Variants in LTA4H observed in about 807,000 individuals in gnomAD.
LTA4H encodes leukotriene A-4 hydrolase.
Under a neutral mutation model 89.8 loss-of-function variants are expected in LTA4H, and 59 were observed. That is an observed-to-expected ratio of 0.66 (90% confidence interval 0.53 to 0.82). The LOEUF (loss-of-function observed/expected upper bound fraction) is 0.82. LTA4H is among the 40% of genes least tolerant of loss of function. The pLI is 0.00. For missense variants in LTA4H, 617 were observed against 727.0 expected, an observed-to-expected ratio of 0.85 and a Z score of 1.74; for synonymous variants, 227 against 253.1, an observed-to-expected ratio of 0.90 and a Z score of 0.98.
upstream of LTA4H, among the ~76,000 whole-genome samples, chr12:96,037,692 C>CCT (rs1566021042): frequency 3.2e-4 from 37 of 114,176 alleles, 3 homozygotes; most frequent in Non-Finnish European, 3.2e-4. Context: ...ATTGAGAAAG[C>CCT]TTTTTTTTTT....
chr12:96,027,763 T>C, intron 2 of LTA4H, 199 bp from the exon 3 acceptor site: 1 of 342,028 alleles, frequency 2.9e-6, no homozygotes, highest in Non-Finnish European at 5.3e-6. Context: ...CTGTGGGTCC[T>C]TTTACCTCTC....
chr12:96,017,794 A>T (rs533489424), intron 8 of LTA4H, among the ~76,000 whole-genome samples: 3 of 152,292 alleles, frequency 2.0e-5, no homozygotes, highest in Non-Finnish European at 2.9e-5. Context: ...ATTCTAGGGA[A>T]TTTTTGCAAT....
chr12:96,013,993 T>G (rs957478294), intron 12 of LTA4H, 140 bp from the exon 13 acceptor site: 4 of 534,424 alleles, frequency 7.5e-6, no homozygotes, highest in Non-Finnish European at 1.3e-5. Context: ...ACTTTCAGAG[T>G]GAAAGAATGT....
At chr12:96,019,142 T>G in intron 7 of LTA4H, 26 bp downstream of exon 7, 1 of 1,591,236 alleles carries the variant, frequency 6.3e-7, no homozygotes, top group South Asian at 1.1e-5. Flanking sequence ...ATCACAATGA[T>G]TACAAAGGAT....
At chr12:96,013,614 A>G (rs1315490445) in intron 13 of LTA4H, 136 bp downstream of exon 13, 2 of 607,916 alleles carry the variant, frequency 3.3e-6, no homozygotes, top group African/African-American at 1.9e-5. Context: ...CATTTAAAAT[A>G]GAAAAAATAT....
rs568489894 is a variant in LTA4H at position 96,026,985 on chromosome 12, GAAA to G, written c.411+456_411+458del. On this transcript the variant is annotated intron_variant, in intron 3 of 18. Coordinates refer to ENST00000228740, the MANE Select transcript of LTA4H (RefSeq NM_000895.3). ...AATACATACTTTTGTAAATGTGTAA[GAAA>G]AATATGGAAAAGCTACATTCCAAAC... Among the ~76,000 whole-genome samples, 613 of 152,244 alleles carry G rather than the reference GAAA, an allele frequency of 4.0e-3. 4 individuals are homozygous for G. Among genetic ancestry groups the G allele is most frequent in the South Asian group, 7.3e-3 (35 of 4,822 alleles).
intron 16 of LTA4H, among the ~76,000 whole-genome samples, chr12:96,004,507 A>G (rs1237677116): frequency 6.6e-6 from 1 of 152,220 alleles, no homozygotes; most frequent in African/African-American, 2.4e-5. Context: ...CAGGGGGTTT[A>G]TAAGCATCCT....
chr12:96,043,292 TAAGGCTGC>T lies in LTA4H; in HGVS notation c.76_83del (p.Ala26LysfsTer56). 1 of 1,533,860 alleles carries T rather than the reference TAAGGCTGC, an allele frequency of 6.5e-7. No individual in the cohort carries two copies. The highest frequency in any genetic ancestry group is 8.7e-7 in the Non-Finnish European group (1 of 1,145,384). ...TGAGAAGGAGCTTGGAACTTACCTT[TAAGGCTGC>T]AAGAAGTCGACGAGTCTTAACTGGG... On this transcript the variant is annotated frameshift_variant, in exon 1 of 18. Coordinates refer to the LTA4H transcript ENST00000413268. LOFTEE classifies it high-confidence loss of function.
At chr12:96,018,693 T>C in intron 8 of LTA4H, 70 bp downstream of exon 8, 2 of 1,149,440 alleles carry the variant, frequency 1.7e-6, no homozygotes, top group Non-Finnish European at 1.2e-6. Flanking sequence ...ATACATATTA[T>C]TAGGACTCCT....
upstream of LTA4H, among the ~76,000 whole-genome samples, chr12:96,040,419 C>T (rs902902039): frequency 3.9e-5 from 6 of 152,174 alleles, no homozygotes; most frequent in Admixed American, 1.3e-4. Flanking sequence ...CATGGCCACC[C>T]GGAAGTAGAC....
intron 1 of LTA4H, 37 bp downstream of exon 1, chr12:96,035,324 C>A: frequency 1.3e-6 from 2 of 1,563,642 alleles, no homozygotes; most frequent in East Asian, 2.3e-5. Flanking sequence ...GCAGGGAGCC[C>A]GGGAGAGGCG....
At chr12:96,015,249 A>T (rs1275296707) in intron 11 of LTA4H, 6 of 480,302 alleles carry the variant, frequency 1.2e-5, no homozygotes, top group Non-Finnish European at 2.2e-5. Flanking sequence ...GACTAGAAAA[A>T]TGATTTAATG....
chr12:96,041,602 T>A (rs1257973652), intron 1 of LTA4H, among the ~76,000 whole-genome samples: 4 of 152,050 alleles, frequency 2.6e-5, no homozygotes, highest in Admixed American at 2.0e-4. Flanking sequence ...TACACCAAGT[T>A]AAATCACTCA....
At chr12:96,031,391 C>G (rs1462628174) in intron 1 of LTA4H, among the ~76,000 whole-genome samples, 1 of 152,180 alleles carries the variant, frequency 6.6e-6, no homozygotes, top group African/African-American at 2.4e-5. Context: ...CATTTGCAAA[C>G]TACTTTTTAA....
chr12:96,039,758 T>C (rs1187900003), upstream of LTA4H, among the ~76,000 whole-genome samples: 1 of 152,254 alleles, frequency 6.6e-6, no homozygotes, highest in Non-Finnish European at 1.5e-5. Context: ...GCACAAATGC[T>C]TCCCTTAAAA....
At chr12:96,023,974 G>A (rs994797461) in intron 4 of LTA4H, among the ~76,000 whole-genome samples, 1 of 151,604 alleles carries the variant, frequency 6.6e-6, no homozygotes, top group Non-Finnish European at 1.5e-5. Flanking sequence ...CTGTCGCCCA[G>A]GCTGGAGTGC....
intron 5 of LTA4H, 140 bp from the exon 6 acceptor site, chr12:96,021,277 C>T (rs1456654754): frequency 1.8e-6 from 1 of 558,274 alleles, no homozygotes; most frequent in Non-Finnish European, 3.1e-6. Flanking sequence ...TGCTTTTATA[C>T]TTCTCAAATA....
intron 10 of LTA4H, among the ~76,000 whole-genome samples, chr12:96,015,976 C>A (rs1017882424): frequency 6.6e-6 from 1 of 152,176 alleles, no homozygotes; most frequent in Admixed American, 6.5e-5. Context: ...TAGACTGAAC[C>A]TAACACTCCT....
At chr12:96,015,097 CT>C in intron 11 of LTA4H, 98 bp from the exon 12 acceptor site, 1 of 1,104,960 alleles carries the variant, frequency 9.1e-7, no homozygotes, top group Non-Finnish European at 1.3e-6. Context: ...AGTGGTGTAA[CT>C]TTAGGGGAAT....
Sources: allele counts gnomAD v4.1 joint callset (sites outside exome capture counted in the v4.1 genomes callset), GRCh38; gene constraint gnomAD v4.1.1; transcripts MANE v1.5; gene names NCBI Gene and HGNC (gene_info 2026-07-23, HGNC 2026-07-21).